Variants in ZNF521 observed in about 807,000 individuals in gnomAD.
ZNF521 encodes the protein LYST-interacting protein 3.
A neutral mutation model predicts 105.5 loss-of-function variants in ZNF521; 14 were observed. That is an observed-to-expected ratio of 0.13 (90% CI 0.09 to 0.21). The LOEUF is 0.21. Among genes scored for constraint, ZNF521 ranks in the 10% least tolerant of loss-of-function variants. ZNF521 has a pLI of 1.00. For synonymous variants in ZNF521, 635 were observed against 606.0 expected (o/e 1.05, Z -0.70); for missense variants, 1,233 against 1,629.7 (o/e 0.76, Z 4.19).
chr18:25,272,318 T>G (rs911660699), intron 3 of ZNF521, among the ~76,000 whole-genome samples: 1 of 152,108 alleles, frequency 6.6e-6, no homozygotes, highest in African/African-American at 2.4e-5. Flanking sequence ...TTGGTGGGAG[T>G]GTCAATTAGT....
At chr18:25,328,194 C>A (rs1467683935) in intron 2 of ZNF521, among the ~76,000 whole-genome samples, 1 of 152,168 alleles carries the variant, frequency 6.6e-6, no homozygotes, top group Non-Finnish European at 1.5e-5. Flanking sequence ...CTGTGTTAAA[C>A]AAAATCGCAC....
At chr18:25,168,611 T>C (rs72891970) in intron 5 of ZNF521, among the ~76,000 whole-genome samples, 3 of 152,300 alleles carry the variant, frequency 2.0e-5, no homozygotes, top group Non-Finnish European at 4.4e-5. Context: ...TAAATATCTA[T>C]ACAATTATCT....
intron 2 of ZNF521, among the ~76,000 whole-genome samples, chr18:25,329,207 G>T (rs191021230): frequency 1.3e-5 from 2 of 152,210 alleles, no homozygotes; most frequent in East Asian, 3.9e-4. Context: ...GATCCTCAAG[G>T]TGACCAGGCA....
intron 3 of ZNF521, among the ~76,000 whole-genome samples, chr18:25,245,673 T>G (rs951417240): frequency 1.7e-4 from 26 of 152,220 alleles, no homozygotes; most frequent in African/African-American, 6.0e-4. Context: ...TGGTTTTTTG[T>G]AAATATGTAC....
intron 5 of ZNF521, among the ~76,000 whole-genome samples, chr18:25,110,700 T>A: frequency 6.8e-6 from 1 of 146,452 alleles, no homozygotes; most frequent in African/African-American, 2.6e-5. Flanking sequence ...AAAAAAAAAT[T>A]GTGTGTTTCA....
intron 2 of ZNF521, among the ~76,000 whole-genome samples, chr18:25,327,012 G>A (rs563280813): frequency 1.3e-5 from 2 of 152,062 alleles, no homozygotes; most frequent in African/African-American, 2.4e-5. Flanking sequence ...AATACATACT[G>A]TCTGAAAAAA....
At chr18:25,077,223 C>T (rs919869060) in intron 7 of ZNF521, among the ~76,000 whole-genome samples, 2 of 152,220 alleles carry the variant, frequency 1.3e-5, no homozygotes, top group Non-Finnish European at 2.9e-5. Context: ...ACACAGCAAA[C>T]ACTGAAGGGA....
chr18:25,067,110 G>C (rs1250853070), intron 7 of ZNF521, among the ~76,000 whole-genome samples: 4 of 151,960 alleles, frequency 2.6e-5, no homozygotes, highest in Non-Finnish European at 5.9e-5. Context: ...CCATCTCCTG[G>C]AGACCCCATG....
intron 3 of ZNF521, among the ~76,000 whole-genome samples, chr18:25,240,860 T>C (rs942449524): frequency 6.6e-6 from 1 of 151,022 alleles, no homozygotes; most frequent in Non-Finnish European, 1.5e-5. Flanking sequence ...CTCTTTCTTA[T>C]CCAGGTTCCC....
At chr18:25,170,709 A>C (rs1216319831) in intron 5 of ZNF521, among the ~76,000 whole-genome samples, 4 of 152,152 alleles carry the variant, frequency 2.6e-5, no homozygotes, top group Admixed American at 2.0e-4. Flanking sequence ...TTAGTGTTGA[A>C]AGATTTTATA....
chr18:25,084,947 C>A (rs537194248), intron 7 of ZNF521, among the ~76,000 whole-genome samples: 119 of 152,254 alleles, frequency 7.8e-4, no homozygotes, highest in Middle Eastern at 3.4e-3. Context: ...TATTCTTGGA[C>A]CATACCATCC....
chr18:25,350,400 G>A (rs1023715427), intron 2 of ZNF521, among the ~76,000 whole-genome samples: 13 of 152,126 alleles, frequency 8.5e-5, no homozygotes, highest in African/African-American at 3.1e-4. Context: ...GCGGGCGGGA[G>A]GCGGCGGCCG....
intron 7 of ZNF521, among the ~76,000 whole-genome samples, chr18:25,079,598 AGTAAGAGAGAGAG>A (rs981345466): frequency 7.2e-5 from 2 of 27,654 alleles, no homozygotes; most frequent in Non-Finnish European, 1.7e-4. Flanking sequence ...CTCAGGAAAA[AGTAAGAGAGAGAG>A]AGAGAGAGAG....
At chr18:25,120,330 C>T (rs764317323) in intron 5 of ZNF521, among the ~76,000 whole-genome samples, 14 of 152,162 alleles carry the variant, frequency 9.2e-5, no homozygotes, top group Non-Finnish European at 1.5e-4. Context: ...CACCTGTAAT[C>T]CCAGCACTTT....
intron 5 of ZNF521, among the ~76,000 whole-genome samples, chr18:25,188,382 A>C (rs1401691986): frequency 6.6e-6 from 1 of 152,166 alleles, no homozygotes; most frequent in Admixed American, 6.5e-5. Context: ...AATGGCCCTG[A>C]AACTAGGAAA....
chr18:25,277,661 T>C (rs1009496540), intron 3 of ZNF521, among the ~76,000 whole-genome samples: 1 of 152,196 alleles, frequency 6.6e-6, no homozygotes, highest in African/African-American at 2.4e-5. Flanking sequence ...CACTAAGTTA[T>C]TTAGTTTCAG....
chr18:25,308,648 A>ACCCCCCCCCCCC (rs764455271), intron 3 of ZNF521, among the ~76,000 whole-genome samples: 9 of 116,354 alleles, frequency 7.7e-5, no homozygotes, highest in African/African-American at 1.2e-4. Flanking sequence ...CCTTAATGAC[A>ACCCCCCCCCCCC]TCCCCCCCCC....
intron 5 of ZNF521, among the ~76,000 whole-genome samples, chr18:25,175,153 T>C (rs559214168): frequency 1.3e-5 from 2 of 152,300 alleles, no homozygotes; most frequent in African/African-American, 2.4e-5. Flanking sequence ...ATTACAATTA[T>C]GTGTTGGGCA....
In ZNF521 at chr18:25,113,017, C is replaced by CTTT. The variant is rs35844239; in HGVS notation, c.3659-20939_3659-20937dup. ...TGCCTGTAAAATTACTGTGTCTAAC[C>CTTT]TTTTTTTTTTTCCTCTTTGCACCAT... On this transcript the variant is annotated intron_variant, in intron 5 of 7. Transcript: ENST00000361524. Among the ~76,000 whole-genome samples the CTTT allele has an allele frequency of 2.7e-3, 400 of 147,776 alleles. 1 individual carries two copies. The highest frequency in any genetic ancestry group is 9.3e-3 in the African/African-American group (373 of 40,158).
Sources: gnomAD v4.1 joint callset for allele counts (sites outside exome capture counted in the v4.1 genomes callset) on GRCh38, gnomAD v4.1.1 for gene constraint, MANE v1.5 for transcripts, NCBI Gene and HGNC (gene_info 2026-07-23, HGNC 2026-07-21) for gene names.